YTHDF1: variants seen among roughly 807,000 people sequenced by gnomAD.
YTHDF1 encodes the protein YTH N6-methyladenosine RNA binding protein F1, also known as YTH domain-containing family protein 1.
A neutral mutation model predicts 49.1 loss-of-function variants in YTHDF1; 16 were observed. That is an observed-to-expected ratio of 0.33 (90% CI 0.22 to 0.49). YTHDF1 has a LOEUF of 0.49. YTHDF1 is among the 20% of genes least tolerant of loss of function. The probability of loss-of-function intolerance (pLI) is 0.99; values close to 1 mark genes in which losing one functional copy is unlikely to be tolerated. For synonymous variants in YTHDF1, 313 were observed against 290.1 expected (o/e 1.08, Z -0.80); for missense variants, 621 against 744.3 (o/e 0.83, Z 1.93).
chr20:63,203,225 T>C lies in YTHDF1; in HGVS notation c.715A>G (p.Ser239Gly). ...TTAGGCTGTGGTTTTGCAGGCTTGC[T>C]GGCAATGGCAGCCCACGAGGTCGGC... ...SKPTSWAAIA[S>G]KPAKPQPKMK... Residue 239 changes from serine to glycine, a missense_variant, in exon 4 of 5, where the codon AGC becomes GGC. By Grantham distance (56) the Ser-to-Gly change is moderately conservative. Transcript: ENST00000370339. This position sits in a 1 kb window ranked among gnomAD's most constrained non-coding sequence, Gnocchi z 4.4. 6.2e-7 allele frequency: 1 copy of C among 1,614,018 alleles called. No homozygotes were observed. Among genetic ancestry groups the C allele is most frequent in the Non-Finnish European group, 8.5e-7 (1 of 1,180,034 alleles).
chr20:63,204,743 T>A (rs1341160712), intron 3 of YTHDF1, among the ~76,000 whole-genome samples: 2 of 152,054 alleles, frequency 1.3e-5, no homozygotes, highest in Admixed American at 6.6e-5. Flanking sequence ...GAGTGCCCCA[T>A]CGTAGGGGTC....
chr20:63,202,742 C>T lies in YTHDF1; in HGVS notation c.1198G>A (p.Asp400Asn). The change falls in exon 4 of 5, where the codon GAC becomes AAC. Residue 400 changes from aspartate to asparagine, a missense_variant. Asp to Asn is a conservative substitution (Grantham distance 23, BLOSUM62 1). Around this residue, in one of 2 missense-constraint regions of YTHDF1, gnomAD observed 151 missense variants for 248.5 expected, o/e 0.61. Coordinates refer to ENST00000370339, the MANE Select transcript of YTHDF1 (RefSeq NM_017798.4). Reference sequence around the variant, plus strand: ...TACTTAATGGAGCGGTGGATGTCGTCCTCAGAGTAGCTCTTGATGATGAAC... The same window carrying T: ...TACTTAATGGAGCGGTGGATGTCGTTCTCAGAGTAGCTCTTGATGATGAAC... ...RVFIIKSYSEDDIHRSIKYSI... is the reference protein window; with the variant it reads ...RVFIIKSYSENDIHRSIKYSI... The T allele has an allele frequency of 6.2e-7, 1 of 1,614,224 alleles. No homozygotes were observed. Among genetic ancestry groups the T allele is most frequent in the Non-Finnish European group, 8.5e-7 (1 of 1,180,052 alleles).
chr20:63,208,231 A>G (rs1050685519), intron 3 of YTHDF1, among the ~76,000 whole-genome samples: 5 of 152,222 alleles, frequency 3.3e-5, no homozygotes, highest in Admixed American at 3.3e-4. Context: ...AGGAACAGAG[A>G]GAAGCATTTG....
Position 63,202,339 on chromosome 20 carries a change from T to G in YTHDF1, c.1601A>C (p.Asp534Ala). 6.2e-7 allele frequency: 1 copy of G among 1,614,246 alleles called. No individual in the cohort carries two copies. Among genetic ancestry groups the G allele is most frequent in the Non-Finnish European group, 8.5e-7 (1 of 1,180,024 alleles). The change falls in exon 4 of 5, where the codon GAC (aspartate) becomes GCC (alanine). Residue 534 changes from aspartate to alanine, a missense_variant. By Grantham distance (126) the Asp-to-Ala change is moderately radical (BLOSUM62 -2). Coordinates refer to ENST00000370339, the MANE Select transcript of YTHDF1 (RefSeq NM_017798.4). ...GCGCTTCTCGTAGTGAGCAAAGTCG[T>G]CGAAGATGGAGGTTGTGTGCTTGTA... ...SSYKHTTSIF[D>A]DFAHYEKRQE... is the part of the protein sequence containing the mutation.
Position 63,207,947 on chromosome 20 carries a change from C to T in YTHDF1, c.133-4140G>A, listed in dbSNP as rs952387188. 6.7e-5 allele frequency among the ~76,000 whole-genome samples: 10 copies of T among 149,870 alleles called. 1 individual carries two copies. Among genetic ancestry groups the T allele is most frequent in the South Asian group, 4.2e-4 (2 of 4,716 alleles). On this transcript the variant is annotated intron_variant, in intron 3 of 4. Transcript: ENST00000370339. ...TGAAGGCTGCCATGAGCCAAGATCA[C>T]GCCACTGCACTCCAGCCTGGGTGAC...
At chr20:63,210,814 A>C (rs930110648) in intron 3 of YTHDF1, among the ~76,000 whole-genome samples, 1 of 152,114 alleles carries the variant, frequency 6.6e-6, no homozygotes. Context: ...AGAGAAAATC[A>C]CAACAATCAA....
At chr20:63,204,116 G>C (rs1456207842) in intron 3 of YTHDF1, among the ~76,000 whole-genome samples, 1 of 152,202 alleles carries the variant, frequency 6.6e-6, no homozygotes, top group African/African-American at 2.4e-5. Context: ...ACTCTTACCT[G>C]CAAAGGAATC....
chr20:63,214,122 G>C (rs569370431), intron 2 of YTHDF1, 179 bp from the exon 3 acceptor site: 1 of 973,330 alleles, frequency 1.0e-6, no homozygotes, highest in East Asian at 1.1e-4. Flanking sequence ...AGGGGGACGG[G>C]AAACTTTCAA....
chr20:63,211,570 C>A (rs1238216680), intron 3 of YTHDF1, among the ~76,000 whole-genome samples: 1 of 152,176 alleles, frequency 6.6e-6, no homozygotes, highest in Non-Finnish European at 1.5e-5. Context: ...ATACTGTATA[C>A]TCTACATATG....
intron 3 of YTHDF1, among the ~76,000 whole-genome samples, chr20:63,212,816 G>C (rs2066581546): frequency 6.6e-6 from 1 of 152,216 alleles, no homozygotes; most frequent in South Asian, 2.1e-4. Context: ...AGAAGGAGTT[G>C]CTAATGGCAT....
At chr20:63,205,068 A>AT (rs1326543202) in intron 3 of YTHDF1, among the ~76,000 whole-genome samples, 2 of 151,938 alleles carry the variant, frequency 1.3e-5, no homozygotes, top group African/African-American at 4.8e-5. Flanking sequence ...CCGTTTTTGG[A>AT]TTTTTAGTTT....
At chr20:63,215,701 C>G (rs1441072097) in intron 1 of YTHDF1, 100 bp from the exon 2 acceptor site, 3 of 1,436,888 alleles carry the variant, frequency 2.1e-6, no homozygotes, top group African/African-American at 3.0e-5. Context: ...GGGCCGCGAG[C>G]TCCGCCGGCC....
chr20:63,213,980 T>C (rs754830915), intron 2 of YTHDF1, 37 bp from the exon 3 acceptor site: 1 of 1,563,008 alleles, frequency 6.4e-7, no homozygotes, highest in Non-Finnish European at 8.6e-7. Flanking sequence ...CCCTCAAATT[T>C]TAAAAGATTA....
At chr20:63,215,303 G>A (rs1040222678) in intron 2 of YTHDF1, among the ~76,000 whole-genome samples, 1 of 152,166 alleles carries the variant, frequency 6.6e-6, no homozygotes, top group South Asian at 2.1e-4. Context: ...TGTCCACCCG[G>A]CTCTCCTACC....
intron 1 of YTHDF1, 58 bp downstream of exon 1, chr20:63,215,808 T>C (rs2122997754): frequency 6.9e-7 from 1 of 1,454,370 alleles, no homozygotes; most frequent in Non-Finnish European, 9.0e-7. Flanking sequence ...CCCCAGGACC[T>C]CAACCCAGAC....
chr20:63,201,318 A>C (rs1037630816), intron 4 of YTHDF1, among the ~76,000 whole-genome samples: 6 of 152,204 alleles, frequency 3.9e-5, no homozygotes, highest in Non-Finnish European at 8.8e-5. Context: ...TAATTCCTTT[A>C]ACATAGAGAA....
chr20:63,215,462 CCCTGAAGCTG>C lies in YTHDF1; in HGVS notation c.52+105_52+114del. 2.8e-6 allele frequency: 4 copies of C among 1,422,430 alleles called. 1 individual carries two copies. The South Asian group carries it at 4.8e-5, about 17-fold the overall frequency. 88.1% of individuals were successfully genotyped at this position (1,422,430 alleles called of 1,614,324 possible). ...CGTCGCACAACCTCAAGTTTTATCT[CCCTGAAGCTG>C]GCGGAAGAGAGAAAGTTTCCGGTTC... On this transcript the variant is annotated intron_variant, in intron 2 of 4. Transcript: ENST00000370339.
intron 3 of YTHDF1, among the ~76,000 whole-genome samples, chr20:63,212,388 G>T (rs1054820532): frequency 1.3e-5 from 2 of 152,224 alleles, no homozygotes; most frequent in African/African-American, 2.4e-5. Flanking sequence ...GGGCAGACTA[G>T]TTTTATTCCT....
Position 63,196,402 on chromosome 20 carries a change from T to C in YTHDF1, c.*306A>G, listed in dbSNP as rs73611769. On this transcript the variant is annotated 3_prime_UTR_variant, in exon 5 of 5. Coordinates refer to ENST00000370339, the MANE Select transcript of YTHDF1 (RefSeq NM_017798.4). ...TCTCACAGAATATCAAATGACTGAA[T>C]TTAAGAACACAATTTCTGCCAAAAT... The C allele has an allele frequency of 1.9e-3, 482 of 255,594 alleles. 5 individuals carry two copies. In the East Asian group the frequency reaches 0.032, roughly 17 times the overall value. The allele number at this position is 255,594 out of a possible 1,614,324, so 15.8% of individuals were successfully genotyped here. A position where few individuals can be genotyped will look rare whatever the true frequency, so the allele number is the denominator to read the frequency against.
Sources: gnomAD v4.1 joint callset for allele counts (sites outside exome capture counted in the v4.1 genomes callset) on GRCh38, gnomAD v4.1.1 for gene constraint, gnomAD v4.1.1 regional missense constraint, Gnocchi (gnomAD v3.1) non-coding constraint, MANE v1.5 for transcripts, NCBI Gene and HGNC (gene_info 2026-07-23, HGNC 2026-07-21) for gene names.